Variants in ACVRL1 observed in about 807,000 individuals in gnomAD.
The protein encoded by ACVRL1 is activin A receptor like type 1.
A neutral mutation model predicts 51.9 loss-of-function variants in ACVRL1; 20 were observed. The observed-to-expected ratio is 0.39, with a 90% CI of 0.27 to 0.56. The LOEUF is 0.56. ACVRL1 is among the 20% of genes least tolerant of loss of function. ACVRL1 has a pLI of 0.67. For synonymous variants in ACVRL1, 288 were observed against 280.9 expected (o/e 1.03, Z -0.25); for missense variants, 451 against 670.3 (o/e 0.67, Z 3.61).
intron 4 of ACVRL1, 27 bp downstream of exon 4, chr12:51,913,797 G>A (rs1372576310): frequency 1.9e-6 from 3 of 1,607,618 alleles, no homozygotes; most frequent in Non-Finnish European, 2.5e-6. Flanking sequence ...CTGGGACACA[G>A]GGTGTAGGAG....
intron 1 of ACVRL1, among the ~76,000 whole-genome samples, chr12:51,908,372 C>G (rs1940634333): frequency 6.6e-6 from 1 of 152,202 alleles, no homozygotes; most frequent in Admixed American, 6.5e-5. Context: ...TGGACAGTTG[C>G]TCTCACTCTC....
In ACVRL1 at chr12:51,920,742, T is replaced by C; in HGVS notation, c.1378-17T>C. On this transcript the variant is annotated splice_polypyrimidine_tract_variant and intron_variant, in intron 9 of 9. Coordinates refer to ENST00000388922, the MANE Select transcript of ACVRL1 (RefSeq NM_000020.3). ...CTCTCTGCCTCCTCTCCTCTGCACC[T>C]CTCTCCCAACCCCCAGGTCCTCTCA... The C allele has an allele frequency of 6.2e-7, 1 of 1,613,092 alleles. No individual in the cohort carries two copies. The highest frequency in any genetic ancestry group is 8.5e-7 in the Non-Finnish European group (1 of 1,179,918).
Position 51,920,947 on chromosome 12 carries a change from A to AT in ACVRL1, c.*54_*55insT. 9.7e-7 allele frequency: 1 copy of AT among 1,035,952 alleles called. No homozygotes were observed. The highest frequency in any genetic ancestry group is 1.4e-6 in the Non-Finnish European group (1 of 706,330). 64.2% of individuals were successfully genotyped at this position (1,035,952 alleles called of 1,614,324 possible). A position where few individuals can be genotyped will look rare whatever the true frequency, so the allele number is the denominator to read the frequency against. On this transcript the variant is annotated 3_prime_UTR_variant, in exon 10 of 10. Transcript: ENST00000388922. ...GCAGGGGGCTGGGGGGGTGGGGGGC[A>AT]GTGGATGGTGCCCTATCTGGGTAGA...
chr12:51,913,719 A>G lies in ACVRL1; in HGVS notation c.474A>G (p.Gly158=). The G allele has an allele frequency of 1.9e-6, 3 of 1,612,200 alleles. No individual in the cohort carries two copies. The highest frequency in any genetic ancestry group is 2.5e-6 in the Non-Finnish European group (3 of 1,180,006). ...AGCGTGGCCTGCACAGCGAGCTGGG[A>G]GAGTCCAGTCTCATCCTGAAAGCAT... ...EKQRGLHSEL[G]ESSLILKASE... is the part of the protein sequence containing the mutation. Residue 158 remains glycine (G), a synonymous_variant, in exon 4 of 10, where the codon GGA becomes GGG. Coordinates refer to ENST00000388922, the MANE Select transcript of ACVRL1 (RefSeq NM_000020.3).
At position 51,921,309 on chromosome 12, in the gene ACVRL1, C is replaced by T; in HGVS notation, c.*416C>T. 3.3e-6 allele frequency: 1 copy of T among 300,948 alleles called. No homozygotes were observed. The highest frequency in any genetic ancestry group is 6.5e-6 in the Non-Finnish European group (1 of 153,036). 18.6% of individuals were successfully genotyped at this position (300,948 alleles called of 1,614,324 possible). On this transcript the variant is annotated 3_prime_UTR_variant, in exon 10 of 10. Transcript: ENST00000388922. Reference sequence around the variant, plus strand: ...CCAGAGCTGCCAGGGTGGCACAGGGCCCTGTCCAGCCCCTGGCACACACTT... The same window carrying T: ...CCAGAGCTGCCAGGGTGGCACAGGGTCCTGTCCAGCCCCTGGCACACACTT...
Position 51,914,643 on chromosome 12 carries a change from T to A in ACVRL1, c.772+58T>A. 1.9e-6 allele frequency: 3 copies of A among 1,567,668 alleles called. 1 individual carries two copies. In the South Asian group the frequency reaches 3.5e-5, roughly 18 times the overall value. On this transcript the variant is annotated intron_variant, in intron 6 of 9. Transcript: ENST00000388922. ...GGCTTTGCCCCCCTGCACTCAGGGC[T>A]CAAGTTTGCAGACCTCCAGACATTA... is the stretch of plus-strand genomic sequence containing the variant.
chr12:51,914,100 G>A (rs747747398), intron 5 of ACVRL1, 27 bp downstream of exon 5: 3 of 1,605,132 alleles, frequency 1.9e-6, no homozygotes, highest in Non-Finnish European at 2.6e-6. Flanking sequence ...CCCGGTGGAT[G>A]AGGACCAAGG....
At position 51,914,487 on chromosome 12, in the gene ACVRL1, G is replaced by A. The variant is rs745375601; in HGVS notation, c.674G>A (p.Ser225Asn). 6.2e-7 allele frequency: 1 copy of A among 1,614,204 alleles called. No individual in the cohort carries two copies. The highest frequency in any genetic ancestry group is 1.3e-5 in the African/African-American group (1 of 75,058). The change falls in exon 6 of 10, where the codon AGT becomes AAT. Residue 225 changes from serine (S) to asparagine (N), a missense_variant. By Grantham distance (46) the Ser-to-Asn change is conservative. Around this residue, in one of 2 missense-constraint regions of ACVRL1, gnomAD observed 259 missense variants for 453.4 expected, o/e 0.57. Coordinates refer to ENST00000388922, the MANE Select transcript of ACVRL1 (RefSeq NM_000020.3). ...TGGCGGGGCTTGTGGCACGGTGAGA[G>A]TGTGGCCGTCAAGATCTTCTCCTCG... The part of the protein sequence containing the change: ...EVWRGLWHGE[S>N]VAVKIFSSRD...
At chr12:51,914,151 T>C (rs1160633282) in intron 5 of ACVRL1, 78 bp downstream of exon 5, 2 of 1,493,330 alleles carry the variant, frequency 1.3e-6, no homozygotes, top group African/African-American at 2.8e-5. Flanking sequence ...TTTTGGCTAC[T>C]GGAATCACAG....
At chr12:51,919,619 T>C (rs1940923238) in intron 9 of ACVRL1, among the ~76,000 whole-genome samples, 1 of 152,092 alleles carries the variant, frequency 6.6e-6, no homozygotes, top group South Asian at 2.1e-4. Context: ...TCTCAAACTC[T>C]TGGGCTCAAG....
At chr12:51,915,044 C>T (rs1035935834) in intron 6 of ACVRL1, among the ~76,000 whole-genome samples, 181 bp from the exon 7 acceptor site, 2 of 152,162 alleles carry the variant, frequency 1.3e-5, no homozygotes, top group African/African-American at 4.8e-5. Context: ...AAGCCAGGCC[C>T]AGACCCAACC....
At position 51,917,612 on chromosome 12, in the gene ACVRL1, C is replaced by T. The variant is rs1245922906; in HGVS notation, c.1247-1373C>T. Among the ~76,000 whole-genome samples the T allele has an allele frequency of 6.6e-6, 1 of 152,090 alleles. No homozygotes were observed. The highest frequency in any genetic ancestry group is 1.5e-5 in the Non-Finnish European group (1 of 68,004). On this transcript the variant is annotated intron_variant, in intron 8 of 9. Transcript: ENST00000388922. This position sits in a 1 kb window ranked among gnomAD's most constrained non-coding sequence, Gnocchi z 4.2. ...TTCCTGAGCATCTACCAGGAGCCAG[C>T]CCCATGCCAGACTTCATTTGTCCTC...
Position 51,913,783 on chromosome 12 carries a change from G to C in ACVRL1, c.525+13G>C. 6.2e-7 allele frequency: 1 copy of C among 1,610,138 alleles called. No individual in the cohort carries two copies. Among genetic ancestry groups the C allele is most frequent in the South Asian group, 1.1e-5 (1 of 91,014 alleles). On this transcript the variant is annotated intron_variant, in intron 4 of 9. Coordinates refer to ENST00000388922, the MANE Select transcript of ACVRL1 (RefSeq NM_000020.3). The stretch of plus-strand genomic sequence containing the variant: ...CAGCATGTTGGGGGTATGGGCCTGG[G>C]GACCTGGGACACAGGGTGTAGGAGG...
rs1438077609 is a variant in ACVRL1 at position 51,913,968 on chromosome 12, C to G, written c.526-6C>G. 1 of 1,612,822 alleles carries G rather than the reference C, an allele frequency of 6.2e-7. No homozygotes were observed. The highest frequency in any genetic ancestry group is 1.1e-5 in the South Asian group (1 of 90,914). ...CAGCCTCTCAGTGGCCTCTCCGTAC[C>G]CCCAGGACCTCCTGGACAGTGACTG... On this transcript the variant is annotated splice_polypyrimidine_tract_variant and splice_region_variant and intron_variant, in intron 4 of 9. Transcript: ENST00000388922.
At chr12:51,914,348 G>A (rs767330236) in intron 5 of ACVRL1, 91 bp from the exon 6 acceptor site, 14 of 1,572,796 alleles carry the variant, frequency 8.9e-6, no homozygotes, top group Non-Finnish European at 1.2e-5. Flanking sequence ...GGTGGGGTGG[G>A]CGAGGGAGGC....
intron 1 of ACVRL1, among the ~76,000 whole-genome samples, chr12:51,911,362 T>C (rs1592220322): frequency 6.6e-6 from 1 of 152,176 alleles, no homozygotes. Context: ...TAGTCAGCCA[T>C]GGAAGGTCAA....
In ACVRL1 at chr12:51,920,814, C is replaced by T; in HGVS notation, c.1433C>T (p.Ala478Val). ...MRECWYPNPS[A>V]RLTALRIKKT... ...GAGTGCTGGTACCCAAACCCCTCTGCCCGACTCACCGCGCTGCGGATCAAG... is the reference window on the plus strand; with the variant it reads ...GAGTGCTGGTACCCAAACCCCTCTGTCCGACTCACCGCGCTGCGGATCAAG... The change falls in exon 10 of 10, where the codon GCC (alanine) becomes GTC (valine). Residue 478 changes from alanine (A) to valine (V), a missense_variant. By Grantham distance (64) the Ala-to-Val change is moderately conservative. Coordinates refer to ENST00000388922, the MANE Select transcript of ACVRL1 (RefSeq NM_000020.3). The T allele has an allele frequency of 6.2e-7, 1 of 1,614,048 alleles. No individual in the cohort carries two copies. The highest frequency in any genetic ancestry group is 8.5e-7 in the Non-Finnish European group (1 of 1,180,016).
intron 2 of ACVRL1, 33 bp downstream of exon 2, chr12:51,912,568 A>G (rs1940714870): frequency 3.9e-6 from 6 of 1,553,382 alleles, no homozygotes; most frequent in Non-Finnish European, 5.3e-6. Flanking sequence ...GGAAACAGGA[A>G]CCTGGATACA....
intron 4 of ACVRL1, 73 bp from the exon 5 acceptor site, chr12:51,913,901 T>A: frequency 6.3e-7 from 1 of 1,578,066 alleles, no homozygotes; most frequent in Non-Finnish European, 8.6e-7. Flanking sequence ...ACCCAGCAGG[T>A]CCCAGGTCGA....
Sources: gnomAD v4.1 joint callset for allele counts (sites outside exome capture counted in the v4.1 genomes callset) on GRCh38, gnomAD v4.1.1 for gene constraint, gnomAD v4.1.1 regional missense constraint, Gnocchi (gnomAD v3.1) non-coding constraint, MANE v1.5 for transcripts, NCBI Gene and HGNC (gene_info 2026-07-23, HGNC 2026-07-21) for gene names.